Variants in ATP8B4 observed in about 807,000 individuals in gnomAD.
The protein encoded by ATP8B4 is ATPase phospholipid transporting 8B4 (putative), also known as probable phospholipid-transporting ATPase IM.
A neutral mutation model predicts 145.6 loss-of-function variants in ATP8B4; 133 were observed. That is an observed-to-expected ratio of 0.91 (90% CI 0.79 to 1.05). ATP8B4 has a LOEUF of 1.05. Among genes scored for constraint, ATP8B4 ranks in the 50% least tolerant of loss-of-function variants. The pLI, the probability that ATP8B4 is intolerant of heterozygous loss-of-function variation, is 0.00. For missense variants in ATP8B4, 1,458 were observed against 1,425.2 expected, an observed-to-expected ratio of 1.02 and a Z score of -0.37; for synonymous variants, 507 against 492.9, an observed-to-expected ratio of 1.03 and a Z score of -0.38.
At chr15:49,987,696 G>A in intron 9 of ATP8B4, 147 bp from the exon 10 acceptor site, 2 of 802,080 alleles carry the variant, frequency 2.5e-6, no homozygotes, top group African/African-American at 1.8e-5. Flanking sequence ...AAAATAAGCT[G>A]GGAGGTAGAA....
chr15:49,901,022 T>C, intron 21 of ATP8B4, 70 bp downstream of exon 21: 2 of 1,544,160 alleles, frequency 1.3e-6, no homozygotes, highest in South Asian at 2.4e-5. Flanking sequence ...GAGGTCTCAT[T>C]ATGATAGCAC....
intron 20 of ATP8B4, among the ~76,000 whole-genome samples, chr15:49,905,691 G>T (rs1419698493): frequency 6.6e-6 from 1 of 152,036 alleles, no homozygotes; most frequent in African/African-American, 2.4e-5. Flanking sequence ...AGTCTAGCTG[G>T]AAATTCTTTA....
chr15:49,870,211 G>A (rs1235105936), intron 25 of ATP8B4, among the ~76,000 whole-genome samples: 2 of 152,128 alleles, frequency 1.3e-5, no homozygotes, highest in Non-Finnish European at 2.9e-5. Flanking sequence ...TTGGAAAGCT[G>A]ACCAGAATAT....
chr15:50,070,086 G>C (rs1214791782), intron 3 of ATP8B4, among the ~76,000 whole-genome samples: 1 of 152,170 alleles, frequency 6.6e-6, no homozygotes, highest in Non-Finnish European at 1.5e-5. Context: ...GTTTAATATA[G>C]TACAGTGCTT....
chr15:50,141,305 C>G (rs1413829037), intron 1 of ATP8B4, among the ~76,000 whole-genome samples: 2 of 151,862 alleles, frequency 1.3e-5, no homozygotes, highest in Non-Finnish European at 2.9e-5. Context: ...CAAAACAAAA[C>G]AAACTTAGAG....
chr15:49,875,838 T>G (rs1036926624), intron 25 of ATP8B4, among the ~76,000 whole-genome samples: 1 of 152,208 alleles, frequency 6.6e-6, no homozygotes. Context: ...ATGCCACAGA[T>G]ATAGCATTGA....
intron 3 of ATP8B4, among the ~76,000 whole-genome samples, chr15:50,067,628 G>A (rs1489901605): frequency 6.6e-6 from 1 of 152,112 alleles, no homozygotes; most frequent in Non-Finnish European, 1.5e-5. Context: ...ATTCTAGTGT[G>A]CTGGGCTTCT....
intron 14 of ATP8B4, among the ~76,000 whole-genome samples, chr15:49,945,382 A>T (rs1312480222): frequency 6.6e-6 from 1 of 152,182 alleles, no homozygotes; most frequent in East Asian, 1.9e-4. Context: ...CCTCCTGACA[A>T]AGAAAAGCCC....
At chr15:49,957,394 G>A (rs1599420538) in intron 14 of ATP8B4, among the ~76,000 whole-genome samples, 1 of 151,628 alleles carries the variant, frequency 6.6e-6, no homozygotes, top group African/African-American at 2.4e-5. Flanking sequence ...GACCATATAA[G>A]GAAATAATTA....
intron 18 of ATP8B4, 88 bp from the exon 19 acceptor site, chr15:49,919,038 C>T (rs953095514): frequency 2.7e-5 from 25 of 925,844 alleles, no homozygotes; most frequent in Non-Finnish European, 4.1e-5. Context: ...ATTCTGGAGG[C>T]CAAAGAATAT....
At chr15:49,928,302 A>T (rs2040915255) in intron 16 of ATP8B4, among the ~76,000 whole-genome samples, 1 of 152,158 alleles carries the variant, frequency 6.6e-6, no homozygotes, top group Non-Finnish European at 1.5e-5. Flanking sequence ...TAACATTTGA[A>T]TTGGACATTA....
chr15:50,175,778 A>G (rs2044752781), intron 1 of ATP8B4, among the ~76,000 whole-genome samples: 1 of 152,206 alleles, frequency 6.6e-6, no homozygotes, highest in African/African-American at 2.4e-5. Context: ...GCCACTATGG[A>G]AAACAGTGTG....
intron 20 of ATP8B4, among the ~76,000 whole-genome samples, chr15:49,913,124 C>CTTTT (rs543634812): frequency 5.0e-5 from 7 of 139,404 alleles, no homozygotes; most frequent in African/African-American, 8.6e-5. Flanking sequence ...GAGCACCTGG[C>CTTTT]TTTTTTTTTT....
intron 1 of ATP8B4, among the ~76,000 whole-genome samples, chr15:50,179,597 C>T (rs574566139): frequency 6.6e-6 from 1 of 151,994 alleles, no homozygotes; most frequent in South Asian, 2.1e-4. Flanking sequence ...AATCCTAACC[C>T]TCAATGTGAT....
chr15:50,152,085 C>A (rs1031313663), intron 1 of ATP8B4, among the ~76,000 whole-genome samples: 1 of 151,786 alleles, frequency 6.6e-6, no homozygotes, highest in Non-Finnish European at 1.5e-5. Flanking sequence ...TTCATAAACC[C>A]ATGTTTCTTC....
intron 1 of ATP8B4, among the ~76,000 whole-genome samples, chr15:50,144,432 G>A (rs1341692045): frequency 6.6e-6 from 1 of 152,174 alleles, no homozygotes; most frequent in African/African-American, 2.4e-5. Context: ...GGAGGCCTCA[G>A]GAAACTTACA....
At chr15:50,031,939 T>C (rs1323554310) in intron 6 of ATP8B4, among the ~76,000 whole-genome samples, 2 of 152,248 alleles carry the variant, frequency 1.3e-5, no homozygotes, top group Non-Finnish European at 2.9e-5. Flanking sequence ...ATATAGTTAA[T>C]TATTGTAATA....
chr15:49,978,739 TACACAC>T (rs60436585), intron 12 of ATP8B4, among the ~76,000 whole-genome samples: 15,163 of 122,722 alleles, frequency 0.12, 946 homozygotes, highest in East Asian at 0.3. Context: ...CTTTATCAAA[TACACAC>T]ACACACACAC....
intron 26 of ATP8B4, among the ~76,000 whole-genome samples, chr15:49,865,563 G>A (rs2032644936): frequency 6.6e-6 from 1 of 152,180 alleles, no homozygotes; most frequent in Non-Finnish European, 1.5e-5. Context: ...TCAACTTGTA[G>A]GATCTGACAC....
Sources: gnomAD v4.1 joint callset for allele counts (sites outside exome capture counted in the v4.1 genomes callset) on GRCh38, gnomAD v4.1.1 for gene constraint, MANE v1.5 for transcripts, NCBI Gene and HGNC (gene_info 2026-07-23, HGNC 2026-07-21) for gene names.